ACSS1: variants seen among roughly 807,000 people sequenced by gnomAD.
ACSS1 encodes acetyl-coenzyme A synthetase 2-like, mitochondrial.
ACSS1 carries 42 observed loss-of-function variants against 75.3 expected under a neutral mutation model. That is an observed-to-expected ratio of 0.56 (90% CI 0.44 to 0.72). ACSS1 has a LOEUF of 0.72. Among genes scored for constraint, ACSS1 ranks in the 30% least tolerant of loss-of-function variants. ACSS1 has a pLI of 0.00. For synonymous variants in ACSS1, 380 were observed against 376.8 expected (o/e 1.01, Z -0.10); for missense variants, 782 against 935.7 (o/e 0.84, Z 2.14).
chr20:25,036,686 G>C (rs1010609240), intron 2 of ACSS1, among the ~76,000 whole-genome samples: 2 of 152,062 alleles, frequency 1.3e-5, no homozygotes, highest in African/African-American at 4.8e-5. Context: ...TGGGCATAGT[G>C]GCTCACAGCT....
At position 25,023,502 on chromosome 20, in the gene ACSS1, CTTG is replaced by C; in HGVS notation, c.768_770del (p.Asn256del). 3 of 1,614,144 alleles carry C rather than the reference CTTG, an allele frequency of 1.9e-6. No individual in the cohort carries two copies. Among genetic ancestry groups the C allele is most frequent in the Non-Finnish European group, 1.7e-6 (2 of 1,180,026 alleles). ...GGACGTCCAGATCCCCCATGTGGAC[CTTG>C]TTGTCTGTCCTGTGAGCCACCAGGA... is the stretch of plus-strand genomic sequence containing the variant. On this transcript the variant is annotated inframe_deletion, in exon 4 of 14. Coordinates refer to ENST00000323482, the MANE Select transcript of ACSS1 (RefSeq NM_032501.4).
At chr20:25,050,172 G>T (rs2089156265) in intron 1 of ACSS1, among the ~76,000 whole-genome samples, 1 of 152,146 alleles carries the variant, frequency 6.6e-6, no homozygotes, top group Non-Finnish European at 1.5e-5. Context: ...CCTGACCAGG[G>T]TGTGCAGGCA....
intron 3 of ACSS1, among the ~76,000 whole-genome samples, chr20:25,029,744 C>G (rs1282010291): frequency 6.6e-6 from 1 of 152,142 alleles, no homozygotes; most frequent in Non-Finnish European, 1.5e-5. Context: ...ACTTCAGGTA[C>G]TAGATACTGA....
intron 5 of ACSS1, 91 bp from the exon 6 acceptor site, chr20:25,021,627 C>T: frequency 6.7e-7 from 1 of 1,503,062 alleles, no homozygotes; most frequent in Non-Finnish European, 9.0e-7. Context: ...GCATAGGCTG[C>T]AGTCCATAGC....
Position 25,006,744 on chromosome 20 carries a change from CAAAG to C in ACSS1, c.*1014_*1017del. ...TGACAGCACCTAAGTCACATTAAAA[CAAAG>C]AGAGACTGGATCCAGACCTCCAAGT... On this transcript the variant is annotated 3_prime_UTR_variant, in exon 14 of 14. Coordinates refer to ENST00000323482, the MANE Select transcript of ACSS1 (RefSeq NM_032501.4). 3 of 1,394,892 alleles carry C rather than the reference CAAAG, an allele frequency of 2.2e-6. No homozygotes were observed. Among genetic ancestry groups the C allele is most frequent in the Non-Finnish European group, 2.9e-6 (3 of 1,036,418 alleles). 86.4% of individuals were successfully genotyped at this position (1,394,892 alleles called of 1,614,324 possible). A position where few individuals can be genotyped will look rare whatever the true frequency, so the allele number is the denominator to read the frequency against.
At chr20:25,024,581 CTCT>C (rs2088683123) in intron 3 of ACSS1, among the ~76,000 whole-genome samples, 1 of 152,214 alleles carries the variant, frequency 6.6e-6, no homozygotes, top group African/African-American at 2.4e-5. Context: ...CGACCAATGG[CTCT>C]CCATAATTGG....
Position 25,007,127 on chromosome 20 carries a change from AG to A in ACSS1, c.*634del. The A allele has an allele frequency of 7.2e-7, 1 of 1,397,298 alleles. No homozygotes were observed. The highest frequency in any genetic ancestry group is 2.6e-5 in the East Asian group (1 of 37,990). 86.6% of individuals were successfully genotyped at this position (1,397,298 alleles called of 1,614,324 possible). On this transcript the variant is annotated 3_prime_UTR_variant, in exon 14 of 14. Transcript: ENST00000323482. The stretch of plus-strand genomic sequence containing the variant: ...GATGCCGGAGGCTTGGAAGTTCTCA[AG>A]GGAACTGTTTAGACAGAGGTACAAA...
At chr20:25,056,544 T>C (rs111455238) in intron 1 of ACSS1, among the ~76,000 whole-genome samples, 22 of 152,314 alleles carry the variant, frequency 1.4e-4, no homozygotes, top group African/African-American at 4.6e-4. Context: ...TGAAGTTATC[T>C]AAAATCGCTA....
chr20:25,045,629 A>G (rs905146740), intron 2 of ACSS1, among the ~76,000 whole-genome samples: 10 of 152,202 alleles, frequency 6.6e-5, no homozygotes, highest in African/African-American at 1.7e-4. Context: ...CATCCTAGGC[A>G]CCTCGAGTGC....
At chr20:25,055,099 A>G (rs2089223927) in intron 1 of ACSS1, among the ~76,000 whole-genome samples, 2 of 151,908 alleles carry the variant, frequency 1.3e-5, no homozygotes, top group African/African-American at 4.9e-5. Context: ...GGTGTTTCCC[A>G]ATTCTATAAT....
chr20:25,008,919 C>T (rs560482706), intron 13 of ACSS1, among the ~76,000 whole-genome samples: 1 of 152,340 alleles, frequency 6.6e-6, no homozygotes, highest in East Asian at 1.9e-4. Flanking sequence ...CCTAGGTGAA[C>T]TCCTGGACAG....
In ACSS1 at chr20:25,030,836, C is replaced by A; in HGVS notation, c.554G>T (p.Cys185Phe). 6.2e-7 allele frequency: 1 copy of A among 1,614,242 alleles called. No individual in the cohort carries two copies. Among genetic ancestry groups the A allele is most frequent in the Middle Eastern group, 1.6e-4 (1 of 6,062 alleles). The change falls in exon 3 of 14, where the codon TGT (cysteine) becomes TTT (phenylalanine). Residue 185 changes from cysteine to phenylalanine, a missense_variant. Physicochemically the swap from Cys to Phe is radical, Grantham distance 205. Transcript: ENST00000323482. The part of the protein sequence containing the change: ...SPLAVAAMLA[C>F]ARIGAVHTVI... ...TGTGTGGACAGCTCCGATCCTGGCA[C>A]AGGCCAGCATTGCTGCCACAGCCAA...
chr20:25,030,107 A>G (rs914392467), intron 3 of ACSS1, among the ~76,000 whole-genome samples: 1 of 152,192 alleles, frequency 6.6e-6, no homozygotes, highest in African/African-American at 2.4e-5. Flanking sequence ...TCTATTTTCT[A>G]TGAGGCACAA....
rs578107267 is a variant in ACSS1 at position 25,053,353 on chromosome 20, C to T, written c.334+4416G>A. Among the ~76,000 whole-genome samples, 14 of 152,046 alleles carry T rather than the reference C, an allele frequency of 9.2e-5. No homozygotes were observed. In the East Asian group the frequency reaches 1.7e-3, roughly 19 times the overall value. ...GTACTGGGATTCCAGGCATGAGCCA[C>T]GGCGCCTGGCCCACAATGGACTTTC... On this transcript the variant is annotated intron_variant, in intron 1 of 13. Coordinates refer to ENST00000323482, the MANE Select transcript of ACSS1 (RefSeq NM_032501.4).
Position 25,058,092 on chromosome 20 carries a change from C to A in ACSS1, c.11G>T (p.Arg4Leu). 1 of 1,251,746 alleles carries A rather than the reference C, an allele frequency of 8.0e-7. No homozygotes were observed. Among genetic ancestry groups the A allele is most frequent in the Non-Finnish European group, 1.0e-6 (1 of 1,000,950 alleles). 77.5% of individuals were successfully genotyped at this position (1,251,746 alleles called of 1,614,324 possible). MAA[R>L]TLGRGVGRLL... The stretch of plus-strand genomic sequence containing the variant: ...CCTCCCGACGCCGCGGCCCAGGGTG[C>A]GCGCCGCCATCTAGGCAGGCTACCT... Residue 4 changes from arginine (R) to leucine (L), a missense_variant, in exon 1 of 14, where the codon CGC (arginine) becomes CTC (leucine). Arg to Leu is a moderately radical substitution (Grantham distance 102). Transcript: ENST00000323482.
intron 2 of ACSS1, chr20:25,032,833 A>G (rs889521395): frequency 3.8e-5 from 14 of 367,752 alleles, no homozygotes; most frequent in Non-Finnish European, 5.3e-5. Flanking sequence ...TGCAGAGGGG[A>G]CCACATGAGA....
intron 1 of ACSS1, among the ~76,000 whole-genome samples, chr20:25,054,650 G>A (rs1465025961): frequency 1.3e-5 from 2 of 152,242 alleles, no homozygotes; most frequent in African/African-American, 4.8e-5. Flanking sequence ...TCTGGCTGAA[G>A]CCAGCCTGCA....
At chr20:25,044,346 G>A (rs1011980902) in intron 2 of ACSS1, among the ~76,000 whole-genome samples, 14 of 152,302 alleles carry the variant, frequency 9.2e-5, no homozygotes, top group Middle Eastern at 6.8e-3. Flanking sequence ...AACAGGCACC[G>A]GCCAGGCGCG....
Position 25,048,162 on chromosome 20 carries a change from A to G in ACSS1, c.354T>C (p.His118=), listed in dbSNP as rs777545476. Residue 118 remains histidine (H), a synonymous_variant, in exon 2 of 14, where the codon CAT becomes CAC. Transcript: ENST00000323482. ...LNVSVNCLDQ[H]VRKSPESVAL... ...CAACGCTCTCGGGGGACTTCCGAACATGCTGGTCCAAGCAGTTGACTGTAC... is the reference window on the plus strand; with the variant it reads ...CAACGCTCTCGGGGGACTTCCGAACGTGCTGGTCCAAGCAGTTGACTGTAC... 1.7e-5 allele frequency: 27 copies of G among 1,613,294 alleles called. No homozygotes were observed. The East Asian group carries it at 5.8e-4, about 35-fold the overall frequency.
Sources: allele counts gnomAD v4.1 joint callset (sites outside exome capture counted in the v4.1 genomes callset), GRCh38; gene constraint gnomAD v4.1.1; transcripts MANE v1.5; gene names NCBI Gene and HGNC (gene_info 2026-07-23, HGNC 2026-07-21).